Variants in ST6GAL2 observed in about 807,000 individuals in gnomAD.
ST6GAL2 encodes the protein beta-galactoside alpha-2,6-sialyltransferase 2.
ST6GAL2 carries 24 observed loss-of-function variants against 37.5 expected under a neutral mutation model. The ratio of observed to expected loss-of-function variants is 0.64; its 90% CI spans 0.46 to 0.90. The LOEUF (loss-of-function observed/expected upper bound fraction) is 0.90. Ranked by LOEUF, ST6GAL2 falls within the 40% of genes least tolerant of loss-of-function variation. The probability of loss-of-function intolerance (pLI) is 0.00; values close to 1 mark genes in which losing one functional copy is unlikely to be tolerated. For synonymous variants in ST6GAL2, 306 were observed against 295.1 expected, an observed-to-expected ratio of 1.04 and a Z score of -0.38; for missense variants, 715 against 712.7, an observed-to-expected ratio of 1.00 and a Z score of -0.04.
chr2:106,862,910 AT>A (rs1440183600), intron 1 of ST6GAL2, among the ~76,000 whole-genome samples: 1 of 101,866 alleles, frequency 9.8e-6, no homozygotes, highest in African/African-American at 3.4e-5. Context: ...TTGATAAAAT[AT>A]GTTTCTATTT....
chr2:106,847,573 T>A (rs1297129300), intron 1 of ST6GAL2, among the ~76,000 whole-genome samples: 2 of 152,146 alleles, frequency 1.3e-5, no homozygotes, highest in Non-Finnish European at 2.9e-5. Flanking sequence ...GATTTGCATG[T>A]AATTATCTGC....
At chr2:106,849,190 T>C (rs990364184) in intron 1 of ST6GAL2, among the ~76,000 whole-genome samples, 3 of 152,158 alleles carry the variant, frequency 2.0e-5, no homozygotes, top group African/African-American at 7.2e-5. Context: ...TTATTTAAGG[T>C]TGACACAGAT....
rs941586714 is a variant in ST6GAL2, at chr2:106,830,202, A to G, written c.1182T>C (p.Tyr394=). Residue 394 remains tyrosine (Y), a synonymous_variant, in exon 5 of 6, where the codon TAT becomes TAC. Coordinates refer to ENST00000409382, the MANE Select transcript of ST6GAL2 (RefSeq NM_001142351.2). ...TTGGGTTTCTCTGACGATGCTGAATATATGGAGTGAACAGGTTGTAATCCG... is the reference window on the plus strand; with the variant it reads ...TTGGGTTTCTCTGACGATGCTGAATGTATGGAGTGAACAGGTTGTAATCCG... The part of the protein sequence containing the change: ...KKPDYNLFTP[Y]IQHRQRNPNQ... 5 of 1,613,600 alleles carry G rather than the reference A, an allele frequency of 3.1e-6. No individual in the cohort carries two copies. In the African/African-American group the frequency reaches 4.0e-5, roughly 13 times the overall value.
At position 106,813,094 on chromosome 2, in the gene ST6GAL2, T is replaced by C. The variant is rs761258960; in HGVS notation, c.1319-6145A>G. ...TTTGAATCTTTAAACAGTATGAATG[T>C]TAAGTTTCTTATATGGCCAGTTTTT... On this transcript the variant is annotated intron_variant, in intron 5 of 5. Transcript: ENST00000409382. 15 of 1,251,194 alleles carry C rather than the reference T, an allele frequency of 1.2e-5. No homozygotes were observed. The African/African-American group carries it at 1.2e-4, about 10-fold the overall frequency. The allele number at this position is 1,251,194 out of a possible 1,614,324, so 77.5% of individuals were successfully genotyped here.
rs752395579 is a variant in ST6GAL2, at chr2:106,843,619, G to C, written c.359C>G (p.Ser120Cys). The change falls in exon 2 of 6, where the codon TCT becomes TGT. Residue 120 changes from serine to cysteine, a missense_variant. Physicochemically the swap from Ser to Cys is moderately radical, Grantham distance 112. This residue lies in a region of ST6GAL2 where 512 missense variants were observed against 488.8 expected (regional missense o/e 1.05). Coordinates refer to ENST00000409382, the MANE Select transcript of ST6GAL2 (RefSeq NM_001142351.2). ...ATCCTCCGGGTAGAAAGCACTTTGA[G>C]ATTTTCTCCCCACCTGGGATGAAAA... is the stretch of plus-strand genomic sequence containing the variant. ...EFFSSQVGRK[S>C]QSAFYPEDDD... 6.2e-7 allele frequency: 1 copy of C among 1,613,964 alleles called. No homozygotes were observed. The highest frequency in any genetic ancestry group is 8.5e-7 in the Non-Finnish European group (1 of 1,180,030).
chr2:106,859,785 C>T (rs139736664), intron 1 of ST6GAL2, among the ~76,000 whole-genome samples: 1 of 152,286 alleles, frequency 6.6e-6, no homozygotes, highest in Non-Finnish European at 1.5e-5. Flanking sequence ...TCTGTAGATG[C>T]TCCATGCAGC....
intron 2 of ST6GAL2, among the ~76,000 whole-genome samples, chr2:106,842,720 G>C (rs138780428): frequency 1.3e-5 from 2 of 152,100 alleles, no homozygotes; most frequent in African/African-American, 4.8e-5. Context: ...GAAGGACGCC[G>C]GGGGCAAAGG....
chr2:106,812,145 GAA>G (rs992027361), intron 5 of ST6GAL2, among the ~76,000 whole-genome samples: 2 of 152,194 alleles, frequency 1.3e-5, no homozygotes, highest in African/African-American at 4.8e-5. Flanking sequence ...GCCTTTGTAA[GAA>G]GAGATGTTGT....
At chr2:106,868,071 T>C (rs543120171) in intron 1 of ST6GAL2, among the ~76,000 whole-genome samples, 27 of 152,316 alleles carry the variant, frequency 1.8e-4, no homozygotes, top group African/African-American at 6.5e-4. Flanking sequence ...ATGACGCCAA[T>C]TCTATTTCTT....
Position 106,843,022 on chromosome 2 carries a change from C to A in ST6GAL2, c.943+13G>T. 2 of 1,386,438 alleles carry A rather than the reference C, an allele frequency of 1.4e-6. No homozygotes were observed. Among genetic ancestry groups the A allele is most frequent in the East Asian group, 5.6e-5 (2 of 35,988 alleles). 85.9% of individuals were successfully genotyped at this position (1,386,438 alleles called of 1,614,324 possible). A position where few individuals can be genotyped will look rare whatever the true frequency, so the allele number is the denominator to read the frequency against. On this transcript the variant is annotated intron_variant, in intron 2 of 5. Coordinates refer to ENST00000409382, the MANE Select transcript of ST6GAL2 (RefSeq NM_001142351.2). ...TCAAGACAGGGCGACCTGGTCCCCC[C>A]GCTGAGACCTACCTATTTCCTCGCC... is the stretch of plus-strand genomic sequence containing the variant.
At chr2:106,833,763 G>A (rs1676520201) in intron 3 of ST6GAL2, among the ~76,000 whole-genome samples, 1 of 151,964 alleles carries the variant, frequency 6.6e-6, no homozygotes, top group Non-Finnish European at 1.5e-5. Context: ...TTCACAAAAT[G>A]CAACATGCTA....
chr2:106,877,020 A>G (rs150803588), intron 1 of ST6GAL2, among the ~76,000 whole-genome samples: 1 of 152,292 alleles, frequency 6.6e-6, no homozygotes, highest in African/African-American at 2.4e-5. Flanking sequence ...GAAAGTAAAG[A>G]TGACATGTTT....
chr2:106,845,979 C>T (rs1417527015), intron 1 of ST6GAL2, among the ~76,000 whole-genome samples: 9 of 152,156 alleles, frequency 5.9e-5, no homozygotes. Flanking sequence ...ATCGAGGAAG[C>T]CCAAGCTAGG....
rs187355500 is a variant in ST6GAL2 at position 106,881,530 on chromosome 2, A to G, written c.-58+4563T>C. Among the ~76,000 whole-genome samples, 19 of 152,334 alleles carry G rather than the reference A, an allele frequency of 1.2e-4. 1 individual carries two copies. The highest frequency in any genetic ancestry group is 4.1e-4 in the African/African-American group (17 of 41,578). ...CATAGCAATATACTTACATTTCAGA[A>G]AAGTCATCATTACACTTTCAAAGAA... On this transcript the variant is annotated intron_variant, in intron 1 of 5. Coordinates refer to ENST00000409382, the MANE Select transcript of ST6GAL2 (RefSeq NM_001142351.2).
At chr2:106,834,211 T>A (rs1453951209) in intron 2 of ST6GAL2, 65 bp from the exon 3 acceptor site, 1 of 1,181,252 alleles carries the variant, frequency 8.5e-7, no homozygotes, top group East Asian at 2.4e-5. Context: ...TAGGAAAAAA[T>A]GTTAAAGCAA....
At chr2:106,812,672 G>A (rs533049892) in intron 5 of ST6GAL2, among the ~76,000 whole-genome samples, 3 of 152,234 alleles carry the variant, frequency 2.0e-5, no homozygotes, top group East Asian at 3.9e-4. Flanking sequence ...TTTTCTGCCC[G>A]GATACCATAT....
chr2:106,878,532 T>C (rs1678603664), intron 1 of ST6GAL2, among the ~76,000 whole-genome samples: 1 of 151,650 alleles, frequency 6.6e-6, no homozygotes. Flanking sequence ...GAGGCCAAGG[T>C]AGGAGGATCA....
rs115215441 is a variant in ST6GAL2 at position 106,832,718 on chromosome 2, T to C, written c.1042-52A>G. ...AAAGCCAGGGTTTGGTTTTTAAAAA[T>C]TGCATTTTAAAAAGAGGTGAAAATT... On this transcript the variant is annotated intron_variant, in intron 3 of 5. Transcript: ENST00000409382. The C allele has an allele frequency of 0.011, 12,787 of 1,211,934 alleles. 79 individuals are homozygous for C. Among genetic ancestry groups the C allele is most frequent in the Middle Eastern group, 0.038 (204 of 5,304 alleles). 75.1% of individuals were successfully genotyped at this position (1,211,934 alleles called of 1,614,324 possible). A position where few individuals can be genotyped will look rare whatever the true frequency, so the allele number is the denominator to read the frequency against.
intron 1 of ST6GAL2, among the ~76,000 whole-genome samples, chr2:106,845,461 T>C (rs922629646): frequency 3.2e-4 from 48 of 152,118 alleles, no homozygotes; most frequent in African/African-American, 1.1e-3. Flanking sequence ...ACTCAGAAAG[T>C]AGGGTGATTC....
Sources: allele counts gnomAD v4.1 joint callset (sites outside exome capture counted in the v4.1 genomes callset), GRCh38; gene constraint gnomAD v4.1.1; regional missense constraint gnomAD v4.1.1; transcripts MANE v1.5; gene names NCBI Gene and HGNC (gene_info 2026-07-23, HGNC 2026-07-21).